The following TTC28 variants were observed in gnomAD, a reference collection of about 807,000 sequenced individuals.
TTC28 encodes tetratricopeptide repeat protein 28.
A neutral mutation model predicts 198.0 loss-of-function variants in TTC28; 61 were observed. The ratio of observed to expected loss-of-function variants is 0.31; its 90% CI spans 0.25 to 0.38. The LOEUF (loss-of-function observed/expected upper bound fraction) is 0.38, where lower values mean the gene tolerates loss of function less well. Among genes scored for constraint, TTC28 ranks in the 10% least tolerant of loss-of-function variants. The pLI, the probability that TTC28 is intolerant of heterozygous loss-of-function variation, is 1.00. For synonymous variants in TTC28, 1,171 were observed against 1,297.8 expected, an observed-to-expected ratio of 0.90 and a Z score of 2.10; for missense variants, 2,678 against 3,164.0, an observed-to-expected ratio of 0.85 and a Z score of 3.69.
intron 6 of TTC28, among the ~76,000 whole-genome samples, chr22:28,141,884 A>C (rs1051828611): frequency 6.6e-6 from 1 of 152,244 alleles, no homozygotes; most frequent in African/African-American, 2.4e-5. Context: ...CAACACAGGC[A>C]CAAGGGATTC....
intron 2 of TTC28, among the ~76,000 whole-genome samples, chr22:28,476,580 G>A (rs556030345): frequency 2.6e-5 from 4 of 152,124 alleles, no homozygotes; most frequent in African/African-American, 7.2e-5. Context: ...AAGATATGAC[G>A]GTTCCTAGTC....
intron 2 of TTC28, among the ~76,000 whole-genome samples, chr22:28,366,266 C>T (rs2046244343): frequency 1.3e-5 from 2 of 152,146 alleles, no homozygotes; most frequent in Admixed American, 6.6e-5. Flanking sequence ...GACATTCTGC[C>T]CACAAAGGCA....
chr22:27,988,866 C>T (rs1937301321), intron 21 of TTC28, among the ~76,000 whole-genome samples: 2 of 152,194 alleles, frequency 1.3e-5, no homozygotes, highest in South Asian at 4.1e-4. Context: ...TTCTGCCTGC[C>T]ATGGTGCTCC....
intron 1 of TTC28, among the ~76,000 whole-genome samples, chr22:28,659,947 C>T (rs1290457326): frequency 6.6e-6 from 1 of 151,910 alleles, no homozygotes; most frequent in Non-Finnish European, 1.5e-5. Context: ...TACAGACACA[C>T]ACCACCACGC....
chr22:28,140,940 G>GGAGGAGGAGGAGGAA, intron 6 of TTC28, among the ~76,000 whole-genome samples: 1 of 145,422 alleles, frequency 6.9e-6, no homozygotes, highest in Middle Eastern at 3.4e-3. Flanking sequence ...AGGAAGAGGA[G>GGAGGAGGAGGAGGAA]GAGGAGGAGG....
chr22:28,543,357 G>C (rs1466708292), intron 2 of TTC28, among the ~76,000 whole-genome samples: 1 of 150,790 alleles, frequency 6.6e-6, no homozygotes, highest in Non-Finnish European at 1.5e-5. Context: ...AGAAGGAGAA[G>C]AAAGGAGAAG....
intron 5 of TTC28, among the ~76,000 whole-genome samples, chr22:28,278,470 T>C (rs1354125732): frequency 6.6e-6 from 1 of 152,218 alleles, no homozygotes; most frequent in Non-Finnish European, 1.5e-5. Flanking sequence ...AAAACTACTT[T>C]AGATATAACA....
At chr22:28,209,142 A>T (rs1671622749) in intron 5 of TTC28, among the ~76,000 whole-genome samples, 1 of 152,210 alleles carries the variant, frequency 6.6e-6, no homozygotes. Context: ...AACTGGTTGT[A>T]CTTCTCTGCA....
At chr22:28,145,369 T>C (rs1943445859) in intron 6 of TTC28, among the ~76,000 whole-genome samples, 2 of 152,246 alleles carry the variant, frequency 1.3e-5, no homozygotes, top group South Asian at 4.1e-4. Context: ...AATGTCTAAC[T>C]CCTAGGTCAG....
At chr22:28,581,154 G>C (rs2050228717) in intron 2 of TTC28, among the ~76,000 whole-genome samples, 1 of 152,052 alleles carries the variant, frequency 6.6e-6, no homozygotes, top group Admixed American at 6.6e-5. Flanking sequence ...TTGTTCTTGT[G>C]ATAGTGAGTG....
In TTC28 at chr22:28,100,858, C is replaced by T. The variant is rs368911385; in HGVS notation, c.3417+313G>A. On this transcript the variant is annotated intron_variant, in intron 9 of 22. Coordinates refer to ENST00000397906, the MANE Select transcript of TTC28 (RefSeq NM_001145418.2). The stretch of plus-strand genomic sequence containing the variant: ...TTATATCTATTAATATATCTAGAAA[C>T]ATGAAATTTAATTATGAATTTTTGT... Among the ~76,000 whole-genome samples the T allele has an allele frequency of 2.6e-5, 4 of 152,084 alleles. No individual in the cohort carries two copies. In the East Asian group the frequency reaches 7.7e-4, roughly 29 times the overall value.
At chr22:28,080,468 C>T (rs542756971) in intron 12 of TTC28, among the ~76,000 whole-genome samples, 1 of 152,232 alleles carries the variant, frequency 6.6e-6, no homozygotes, top group African/African-American at 2.4e-5. Context: ...ATGCTTGTTG[C>T]TCATTTGTTT....
At chr22:28,312,230 C>T (rs928377446) in intron 2 of TTC28, among the ~76,000 whole-genome samples, 1 of 152,034 alleles carries the variant, frequency 6.6e-6, no homozygotes. Flanking sequence ...TCTTAGAGAC[C>T]TACAAAGAGA....
At chr22:28,633,299 G>T (rs1054883547) in intron 1 of TTC28, among the ~76,000 whole-genome samples, 2 of 149,954 alleles carry the variant, frequency 1.3e-5, no homozygotes, top group African/African-American at 4.9e-5. Context: ...AAAAGAAAAA[G>T]AAAAAGAAAA....
intron 2 of TTC28, among the ~76,000 whole-genome samples, chr22:28,372,754 A>T (rs2046357407): frequency 6.6e-6 from 1 of 152,078 alleles, no homozygotes; most frequent in East Asian, 1.9e-4. Context: ...GCTGGCAAAC[A>T]TCTAATGTGG....
At chr22:28,426,211 CAAA>C (rs34448246) in intron 2 of TTC28, among the ~76,000 whole-genome samples, 18 of 85,654 alleles carry the variant, frequency 2.1e-4, no homozygotes, top group Admixed American at 2.8e-4. Flanking sequence ...GACTCCACGT[CAAA>C]AAAAAAAAAA....
chr22:28,655,437 C>T (rs1368834775), intron 1 of TTC28, among the ~76,000 whole-genome samples: 4 of 152,154 alleles, frequency 2.6e-5, no homozygotes, highest in Admixed American at 2.6e-4. Context: ...TACAGACTTC[C>T]TGCAAATTTC....
At chr22:28,224,834 A>T (rs1928166229) in intron 5 of TTC28, among the ~76,000 whole-genome samples, 1 of 152,062 alleles carries the variant, frequency 6.6e-6, no homozygotes, top group African/African-American at 2.4e-5. Flanking sequence ...TTTTGCTTAA[A>T]CTAGTTTAAG....
At chr22:28,305,651 C>A (rs982982749) in intron 3 of TTC28, among the ~76,000 whole-genome samples, 1 of 152,120 alleles carries the variant, frequency 6.6e-6, no homozygotes, top group Non-Finnish European at 1.5e-5. Context: ...GACTGAAAAA[C>A]AGTTCTGCTT....
Sources: allele counts gnomAD v4.1 joint callset (sites outside exome capture counted in the v4.1 genomes callset), GRCh38; gene constraint gnomAD v4.1.1; transcripts MANE v1.5; gene names NCBI Gene and HGNC (gene_info 2026-07-23, HGNC 2026-07-21).